TVP23A: variants seen among roughly 807,000 people sequenced by gnomAD.
TVP23A encodes Golgi apparatus membrane protein TVP23 homolog A.
In TVP23A, 21 loss-of-function variants were observed where a neutral mutation model predicts 31.7. That is an observed-to-expected ratio of 0.66 (90% CI 0.47 to 0.95). The LOEUF is 0.95. Ranked by LOEUF, TVP23A falls within the 40% of genes least tolerant of loss-of-function variation. The pLI is 0.00. For missense variants in TVP23A, 279 were observed against 255.6 expected (o/e 1.09, Z -0.62); for synonymous variants, 104 against 96.0 (o/e 1.08, Z -0.49).
chr16:10,788,335 T>A (rs1242070458), intron 2 of TVP23A, among the ~76,000 whole-genome samples: 1 of 151,756 alleles, frequency 6.6e-6, no homozygotes, highest in Non-Finnish European at 1.5e-5. Flanking sequence ...AGTGCAGTGG[T>A]GCGATCTCAG....
Position 10,777,722 on chromosome 16 carries a change from C to G in TVP23A, c.90-2626G>C, listed in dbSNP as rs2032138250. Reference sequence around the variant, plus strand: ...GTGCACCCGGCTTTTAAGAATTAGACAGGATCAAGCCGGGCGTGGTGGCTC... The same window carrying G: ...GTGCACCCGGCTTTTAAGAATTAGAGAGGATCAAGCCGGGCGTGGTGGCTC... On this transcript the variant is annotated intron_variant, in intron 2 of 7. Coordinates refer to ENST00000299866, the MANE Select transcript of TVP23A (RefSeq NM_001079512.4). This position sits in a 1 kb window ranked among gnomAD's most constrained non-coding sequence, Gnocchi z 4.5. Among the ~76,000 whole-genome samples the G allele has an allele frequency of 6.6e-6, 1 of 152,168 alleles. No homozygotes were observed. The highest frequency in any genetic ancestry group is 1.9e-4 in the East Asian group (1 of 5,190).
In TVP23A at chr16:10,768,042, T is replaced by C. The variant is rs2031161355; in HGVS notation, c.*1060A>G. ...AGAAGTATAATTCAGAGTAAGTATT[T>C]CCATGAGTACTAAATGCAGATGCCT... On this transcript the variant is annotated 3_prime_UTR_variant, in exon 8 of 8. Transcript: ENST00000299866. The surrounding 1 kb of genome is among the most constrained non-coding windows in gnomAD (Gnocchi z 4.3). The C allele has an allele frequency of 6.2e-7, 1 of 1,612,890 alleles. No homozygotes were observed. Among genetic ancestry groups the C allele is most frequent in the African/African-American group, 1.3e-5 (1 of 74,878 alleles).
chr16:10,771,526 T>G, intron 6 of TVP23A, 144 bp downstream of exon 6: 7 of 1,092,244 alleles, frequency 6.4e-6, no homozygotes, highest in Non-Finnish European at 9.1e-6. Flanking sequence ...CAGAGCGAGA[T>G]CCTGTCTCCC....
intron 2 of TVP23A, among the ~76,000 whole-genome samples, chr16:10,781,786 A>G (rs1377788781): frequency 1.3e-5 from 2 of 151,738 alleles, no homozygotes; most frequent in Admixed American, 1.3e-4. Flanking sequence ...AAAGGCAGAT[A>G]AGCTATAAAT....
intron 2 of TVP23A, among the ~76,000 whole-genome samples, chr16:10,802,278 G>GTA (rs2033738590): frequency 9.2e-6 from 1 of 108,212 alleles, no homozygotes; most frequent in Non-Finnish European, 1.7e-5. Context: ...GTGTGTGTGT[G>GTA]TGTGTGTATA....
chr16:10,765,466 C>G (rs28605410), downstream of TVP23A, among the ~76,000 whole-genome samples: 1,144 of 152,190 alleles, frequency 7.5e-3, 14 homozygotes, highest in African/African-American at 0.026. This position sits in a 1 kb window ranked among gnomAD's most constrained non-coding sequence, Gnocchi z 4.0. Flanking sequence ...CATGATCACA[C>G]CACTGCACTC....
At chr16:10,808,570 G>C (rs1012247061) in intron 2 of TVP23A, 1 of 455,180 alleles carries the variant, frequency 2.2e-6, no homozygotes, top group Admixed American at 2.4e-5. Context: ...GCCAAGGCAG[G>C]AGGATCACTG....
chr16:10,792,952 CCA>C (rs1184758569), intron 2 of TVP23A, among the ~76,000 whole-genome samples: 1 of 152,206 alleles, frequency 6.6e-6, no homozygotes, highest in Non-Finnish European at 1.5e-5. Context: ...CCTCTGGTTG[CCA>C]CAGTTTTTTC....
Position 10,798,654 on chromosome 16 carries a change from G to GTTTTGTTTTTGTTTTTGTTTTTGT in TVP23A, c.89+19425_89+19448dup, listed in dbSNP as rs58138056. On this transcript the variant is annotated intron_variant, in intron 2 of 7. Transcript: ENST00000299866. Reference sequence around the variant, plus strand: ...GGTTATCAACGACATGGCAGCTTATGTTTTGTTTTTGTTTTTGTTTTTGTT... The same window carrying GTTTTGTTTTTGTTTTTGTTTTTGT: ...GGTTATCAACGACATGGCAGCTTATGTTTTGTTTTTGTTTTTGTTTTTGTTTTTGTTTTTGTTTTTGTTTTTGTT... Among the ~76,000 whole-genome samples, 554 of 151,844 alleles carry GTTTTGTTTTTGTTTTTGTTTTTGT rather than the reference G, an allele frequency of 3.6e-3. 5 individuals carry two copies. The highest frequency in any genetic ancestry group is 0.013 in the African/African-American group (537 of 41,268).
downstream of TVP23A, among the ~76,000 whole-genome samples, chr16:10,760,611 C>A (rs1900881851): frequency 6.6e-6 from 1 of 152,156 alleles, no homozygotes; most frequent in South Asian, 2.1e-4. Flanking sequence ...GTAGCACATG[C>A]CTGTAGTCCC....
At chr16:10,801,184 T>A in intron 2 of TVP23A, among the ~76,000 whole-genome samples, 1 of 151,360 alleles carries the variant, frequency 6.6e-6, no homozygotes, top group Admixed American at 6.6e-5. Context: ...AGGTAGTGGA[T>A]GACGAAAGAA....
intron 2 of TVP23A, among the ~76,000 whole-genome samples, chr16:10,811,703 G>C (rs555258364): frequency 6.6e-6 from 1 of 152,032 alleles, no homozygotes; most frequent in Non-Finnish European, 1.5e-5. Flanking sequence ...AGGAGATCGA[G>C]ACCATCCTGG....
chr16:10,804,840 A>G (rs2033868673), intron 2 of TVP23A, among the ~76,000 whole-genome samples: 2 of 152,220 alleles, frequency 1.3e-5, no homozygotes, highest in Admixed American at 6.5e-5. Flanking sequence ...ATTTTAAAGT[A>G]CACACTCCAG....
intron 2 of TVP23A, among the ~76,000 whole-genome samples, chr16:10,811,013 A>G (rs566192728): frequency 6.6e-6 from 1 of 152,308 alleles, no homozygotes; most frequent in South Asian, 2.1e-4. Flanking sequence ...TGACTAACCC[A>G]GATTTCATTT....
At chr16:10,773,567 T>G in intron 4 of TVP23A, 126 bp from the exon 5 acceptor site, 1 of 1,130,180 alleles carries the variant, frequency 8.8e-7, no homozygotes, top group Non-Finnish European at 1.2e-6. Flanking sequence ...TTGTTGGTGT[T>G]GTTTTGTTTT....
At chr16:10,774,448 C>A (rs1393629943) in intron 3 of TVP23A, among the ~76,000 whole-genome samples, 1 of 152,088 alleles carries the variant, frequency 6.6e-6, no homozygotes, top group African/African-American at 2.4e-5. Flanking sequence ...TGAATTGTCG[C>A]TTCCATAATT....
At chr16:10,798,081 G>A (rs532615074) in intron 2 of TVP23A, among the ~76,000 whole-genome samples, 4 of 148,300 alleles carry the variant, frequency 2.7e-5, no homozygotes, top group Non-Finnish European at 3.0e-5. Flanking sequence ...TCAGCCTCCC[G>A]AGTAGCTGGG....
chr16:10,808,924 T>C (rs909369848), intron 2 of TVP23A, among the ~76,000 whole-genome samples: 5 of 152,338 alleles, frequency 3.3e-5, no homozygotes, highest in East Asian at 1.9e-4. Context: ...TGGAAGCCCA[T>C]GACCTTTGGG....
chr16:10,769,311 T>C, intron 7 of TVP23A: 1 of 507,576 alleles, frequency 2.0e-6, no homozygotes, highest in Non-Finnish European at 3.5e-6. Flanking sequence ...GGGCATTCTC[T>C]ACAAATGTGC....
Sources: gnomAD v4.1 joint callset for allele counts (sites outside exome capture counted in the v4.1 genomes callset) on GRCh38, gnomAD v4.1.1 for gene constraint, Gnocchi (gnomAD v3.1) non-coding constraint, MANE v1.5 for transcripts, NCBI Gene and HGNC (gene_info 2026-07-23, HGNC 2026-07-21) for gene names.